LIMA1: variants seen among roughly 807,000 people sequenced by gnomAD.
LIMA1 encodes the protein LIM domain and actin-binding protein 1.
Under a neutral mutation model 62.6 loss-of-function variants are expected in LIMA1, and 52 were observed. The ratio of observed to expected loss-of-function variants is 0.83; its 90% CI spans 0.67 to 1.05. The LOEUF (loss-of-function observed/expected upper bound fraction) is 1.05. Ranked by LOEUF, LIMA1 falls within the 50% of genes least tolerant of loss-of-function variation. The probability of loss-of-function intolerance (pLI) is 0.00; values close to 1 mark genes in which losing one functional copy is unlikely to be tolerated. For missense variants in LIMA1, 780 were observed against 902.2 expected, an observed-to-expected ratio of 0.86 and a Z score of 1.74; for synonymous variants, 302 against 317.8, an observed-to-expected ratio of 0.95 and a Z score of 0.53.
chr12:50,229,018 G>C (rs953266615), intron 3 of LIMA1, among the ~76,000 whole-genome samples: 1 of 152,200 alleles, frequency 6.6e-6, no homozygotes, highest in African/African-American at 2.4e-5. Context: ...CACTGTGGCA[G>C]AGCCACTGCT....
chr12:50,182,178 C>T (rs1940519913), intron 9 of LIMA1, 141 bp from the exon 10 acceptor site: 1 of 835,218 alleles, frequency 1.2e-6, no homozygotes, highest in Admixed American at 2.6e-5. Flanking sequence ...TGCTACAATT[C>T]TATCAGCTGA....
chr12:50,234,451 C>T (rs974224269), intron 2 of LIMA1, among the ~76,000 whole-genome samples: 5 of 151,942 alleles, frequency 3.3e-5, no homozygotes, highest in Admixed American at 2.0e-4. Context: ...TCAAGAGATA[C>T]GCCTGCTTTG....
rs752801137 is a variant in LIMA1 at position 50,177,566 on chromosome 12, A to G, written c.1778T>C (p.Val593Ala). ...AGAGGTGCTTTGAAATGAAGCTGCT[A>G]CAGTGAATGGGCGGCTTCTTTCCTT... ...SLKERSRPFT[V>A]AASFQSTSVK... The change falls in exon 11 of 11, where the codon GTA (valine) becomes GCA (alanine). Residue 593 changes from valine (V) to alanine (A), a missense_variant. Transcript: ENST00000341247. 6.2e-7 allele frequency: 1 copy of G among 1,611,714 alleles called. No homozygotes were observed. The highest frequency in any genetic ancestry group is 1.3e-5 in the African/African-American group (1 of 74,724).
intron 1 of LIMA1, among the ~76,000 whole-genome samples, chr12:50,274,229 A>G (rs1450253575): frequency 6.6e-6 from 1 of 152,202 alleles, no homozygotes; most frequent in African/African-American, 2.4e-5. Flanking sequence ...CATTCAACAA[A>G]TATTTATTTA....
At chr12:50,241,580 C>T (rs1941776801) in intron 2 of LIMA1, among the ~76,000 whole-genome samples, 1 of 152,144 alleles carries the variant, frequency 6.6e-6, no homozygotes. Flanking sequence ...GTCTTTAATC[C>T]TGTTCTCAAA....
intron 4 of LIMA1, among the ~76,000 whole-genome samples, chr12:50,221,671 A>G (rs1283672392): frequency 6.6e-6 from 1 of 152,224 alleles, no homozygotes; most frequent in African/African-American, 2.4e-5. Flanking sequence ...GCAGAGAGCT[A>G]TTCAGCAGTA....
intron 9 of LIMA1, chr12:50,187,232 G>A (rs1483177624): frequency 6.6e-6 from 1 of 152,038 alleles, no homozygotes; most frequent in South Asian, 2.1e-4. Flanking sequence ...TCTAATAAAG[G>A]CCCCAGTTGT....
intron 1 of LIMA1, among the ~76,000 whole-genome samples, chr12:50,258,135 C>A (rs936087812): frequency 3.9e-5 from 6 of 152,094 alleles, no homozygotes; most frequent in Non-Finnish European, 8.8e-5. Flanking sequence ...GCCCTGGAAT[C>A]AACTATTTCC....
At chr12:50,181,645 CA>C (rs1221598228) in intron 10 of LIMA1, among the ~76,000 whole-genome samples, 12 of 152,244 alleles carry the variant, frequency 7.9e-5, no homozygotes, top group Middle Eastern at 3.4e-3. Flanking sequence ...AATTAGGTCA[CA>C]GGGGGGTTTA....
intron 2 of LIMA1, among the ~76,000 whole-genome samples, chr12:50,244,187 C>A (rs1017730949): frequency 2.6e-5 from 4 of 152,082 alleles, no homozygotes; most frequent in African/African-American, 9.7e-5. Flanking sequence ...CAACCTCCGC[C>A]CCCCAGGTCC....
chr12:50,232,864 A>G (rs1941633713), intron 2 of LIMA1, among the ~76,000 whole-genome samples: 1 of 152,302 alleles, frequency 6.6e-6, no homozygotes, highest in South Asian at 2.1e-4. Flanking sequence ...GCGCACACCT[A>G]TAATCCCAGC....
rs180892712 is a variant in LIMA1 at position 50,239,049 on chromosome 12, A to T, written c.120-7339T>A. Among the ~76,000 whole-genome samples, 12 of 152,354 alleles carry T rather than the reference A, an allele frequency of 7.9e-5. No homozygotes were observed. In the East Asian group the frequency reaches 2.3e-3, roughly 29 times the overall value. On this transcript the variant is annotated intron_variant, in intron 2 of 10. Coordinates refer to ENST00000341247, the MANE Select transcript of LIMA1 (RefSeq NM_016357.5). ...TCAGAGAAGCTGACATTTTCATTCG[A>T]GAAATACTTATTGCTGTCTACTATG...
At chr12:50,206,731 C>T (rs1941160819) in intron 4 of LIMA1, among the ~76,000 whole-genome samples, 1 of 152,140 alleles carries the variant, frequency 6.6e-6, no homozygotes, top group African/African-American at 2.4e-5. Flanking sequence ...ATGCCTGTTC[C>T]TTCAAAGACT....
At chr12:50,236,648 C>T (rs188926998) in intron 2 of LIMA1, among the ~76,000 whole-genome samples, 3 of 152,160 alleles carry the variant, frequency 2.0e-5, no homozygotes, top group Non-Finnish European at 2.9e-5. Context: ...CCTTTCTCGG[C>T]TTGGAGTCCT....
At chr12:50,184,926 G>A (rs1940594142) in intron 9 of LIMA1, among the ~76,000 whole-genome samples, 1 of 152,046 alleles carries the variant, frequency 6.6e-6, no homozygotes, top group African/African-American at 2.4e-5. Context: ...CCACCTTCCG[G>A]GTTCAAGCGA....
intron 1 of LIMA1, among the ~76,000 whole-genome samples, chr12:50,250,732 G>A (rs1193698638): frequency 1.3e-5 from 2 of 152,076 alleles, no homozygotes; most frequent in African/African-American, 4.8e-5. Flanking sequence ...ATGTTGGAAG[G>A]CATAGTATGC....
chr12:50,217,425 G>C (rs367800096), intron 4 of LIMA1, among the ~76,000 whole-genome samples: 1 of 151,788 alleles, frequency 6.6e-6, no homozygotes, highest in South Asian at 2.1e-4. Flanking sequence ...CAGAGGCTTA[G>C]ACTGGATCCC....
chr12:50,176,897 GTTTT>G lies in LIMA1; in HGVS notation c.*163_*166del. ...CTAGTATTTAGAATGTGTTTTTTGTGTTTTTTTGTTTTGTTTTTGATTTTAAGAA... is the reference window on the plus strand; with the variant it reads ...CTAGTATTTAGAATGTGTTTTTTGTGTTTGTTTTGTTTTTGATTTTAAGAA... On this transcript the variant is annotated 3_prime_UTR_variant, in exon 11 of 11. Coordinates refer to ENST00000341247, the MANE Select transcript of LIMA1 (RefSeq NM_016357.5). 5 of 593,898 alleles carry G rather than the reference GTTTT, an allele frequency of 8.4e-6. No individual in the cohort carries two copies. The highest frequency in any genetic ancestry group is 1.4e-5 in the Non-Finnish European group (5 of 352,830). 36.8% of individuals were successfully genotyped at this position (593,898 alleles called of 1,614,324 possible). A position where few individuals can be genotyped will look rare whatever the true frequency, so the allele number is the denominator to read the frequency against.
At chr12:50,190,367 T>A (rs1352971443) in intron 9 of LIMA1, 1 of 136,188 alleles carries the variant, frequency 7.3e-6, no homozygotes, top group African/African-American at 2.7e-5. Context: ...TTGAATGTCA[T>A]TTTTTTTTTT....
Sources: gnomAD v4.1 joint callset for allele counts (sites outside exome capture counted in the v4.1 genomes callset) on GRCh38, gnomAD v4.1.1 for gene constraint, MANE v1.5 for transcripts, NCBI Gene and HGNC (gene_info 2026-07-23, HGNC 2026-07-21) for gene names.